The following CDH12 variants were observed in gnomAD, a reference collection of about 807,000 sequenced individuals.
The protein encoded by CDH12 is cadherin 12.
CDH12 carries 41 observed loss-of-function variants against 74.1 expected under a neutral mutation model. The observed-to-expected ratio is 0.55, with a 90% confidence interval of 0.43 to 0.72. The LOEUF (loss-of-function observed/expected upper bound fraction) is 0.72, where lower values mean the gene tolerates loss of function less well. CDH12 is among the 30% of genes least tolerant of loss of function. The pLI is 0.00. For synonymous variants in CDH12, 399 were observed against 355.0 expected, an observed-to-expected ratio of 1.12 and a Z score of -1.39; for missense variants, 945 against 977.2, an observed-to-expected ratio of 0.97 and a Z score of 0.44.
intron 10 of CDH12, among the ~76,000 whole-genome samples, chr5:21,788,435 A>G (rs1222686816): frequency 6.6e-6 from 1 of 152,060 alleles, no homozygotes; most frequent in Admixed American, 6.6e-5. Context: ...ACTATCTGAG[A>G]AGCATAATGA....
At chr5:21,859,934 G>A (rs1272123721) in intron 6 of CDH12, among the ~76,000 whole-genome samples, 1 of 151,834 alleles carries the variant, frequency 6.6e-6, no homozygotes, top group African/African-American at 2.4e-5. Flanking sequence ...TAACATCAAT[G>A]GGAAACTACA....
At chr5:22,270,475 G>T (rs1736343717) in intron 3 of CDH12, among the ~76,000 whole-genome samples, 1 of 151,528 alleles carries the variant, frequency 6.6e-6, no homozygotes, top group South Asian at 2.1e-4. Context: ...CATGCCTGTA[G>T]CCTCAGCTAC....
chr5:22,726,866 T>C (rs894925984), intron 1 of CDH12, among the ~76,000 whole-genome samples: 2 of 151,840 alleles, frequency 1.3e-5, no homozygotes, highest in African/African-American at 4.8e-5. Flanking sequence ...CAGTGGATTA[T>C]ATATTCAAAT....
chr5:22,708,202 C>T (rs948192364), intron 1 of CDH12, among the ~76,000 whole-genome samples: 1 of 152,140 alleles, frequency 6.6e-6, no homozygotes, highest in Non-Finnish European at 1.5e-5. Context: ...GTACTAAACA[C>T]ACACATATGC....
chr5:22,557,095 A>G (rs1343268159), intron 1 of CDH12, among the ~76,000 whole-genome samples: 1 of 152,004 alleles, frequency 6.6e-6, no homozygotes, highest in Non-Finnish European at 1.5e-5. Context: ...CCCTATTGCA[A>G]TAGTCTTGAA....
intron 3 of CDH12, among the ~76,000 whole-genome samples, chr5:22,257,241 G>C (rs1753349907): frequency 6.6e-6 from 1 of 151,946 alleles, no homozygotes; most frequent in South Asian, 2.1e-4. Flanking sequence ...TAATACCTGG[G>C]TGACAACATA....
intron 1 of CDH12, among the ~76,000 whole-genome samples, chr5:22,686,195 T>A (rs568184493): frequency 1.8e-4 from 27 of 152,242 alleles, no homozygotes; most frequent in African/African-American, 5.8e-4. Context: ...TTGGTTTTTT[T>A]ATAAATATAT....
intron 4 of CDH12, among the ~76,000 whole-genome samples, chr5:22,123,642 T>G (rs1745654821): frequency 6.6e-6 from 1 of 152,220 alleles, no homozygotes; most frequent in South Asian, 2.1e-4. Flanking sequence ...TGTTTTTTCC[T>G]TATTCTATTT....
At chr5:21,947,847 C>T (rs1434901700) in intron 6 of CDH12, among the ~76,000 whole-genome samples, 4 of 152,308 alleles carry the variant, frequency 2.6e-5, no homozygotes, top group South Asian at 2.1e-4. Context: ...CCTATGGCCC[C>T]GTTGCTCTGG....
intron 2 of CDH12, among the ~76,000 whole-genome samples, chr5:22,479,267 T>G (rs942455603): frequency 5.3e-5 from 8 of 152,236 alleles, no homozygotes; most frequent in Non-Finnish European, 1.2e-4. Context: ...ATTCTTAATT[T>G]TGGTAACAGT....
In CDH12 at chr5:22,016,809, T is replaced by C. The variant is rs62349090; in HGVS notation, c.232-41424A>G. Among the ~76,000 whole-genome samples, 444 of 152,288 alleles carry C rather than the reference T, an allele frequency of 2.9e-3. 2 individuals carry two copies. The highest frequency in any genetic ancestry group is 5.4e-3 in the Non-Finnish European group (364 of 68,028). On this transcript the variant is annotated intron_variant, in intron 5 of 14. Transcript: ENST00000382254. ...TTATTCTCTTCTCTGAAGTAAACCT[T>C]TGCACTTGTAGATAATTCTAATGAC...
intron 5 of CDH12, among the ~76,000 whole-genome samples, chr5:22,029,214 T>A (rs1370079544): frequency 3.5e-4 from 53 of 152,202 alleles, no homozygotes; most frequent in African/African-American, 1.3e-3. Flanking sequence ...AAGGACTTCA[T>A]GTCTAAAACA....
At position 22,358,408 on chromosome 5, in the gene CDH12, G is replaced by A. The variant is rs145829376; in HGVS notation, c.-333+46849C>T. Among the ~76,000 whole-genome samples the A allele has an allele frequency of 9.4e-3, 1,426 of 151,836 alleles. 16 individuals are homozygous for A. Among genetic ancestry groups the A allele is most frequent in the Non-Finnish European group, 0.013 (881 of 67,944 alleles). On this transcript the variant is annotated intron_variant, in intron 3 of 14. Coordinates refer to ENST00000382254, the MANE Select transcript of CDH12 (RefSeq NM_004061.5). ...AGCCTGGAAGATAGAGCGAGACTCTGTCTCCCAGAAAAAAAAAAGAAATGC... is the reference window on the plus strand; with the variant it reads ...AGCCTGGAAGATAGAGCGAGACTCTATCTCCCAGAAAAAAAAAAGAAATGC...
At chr5:22,785,000 T>C (rs1407412247) in intron 1 of CDH12, among the ~76,000 whole-genome samples, 1 of 152,170 alleles carries the variant, frequency 6.6e-6, no homozygotes, top group Non-Finnish European at 1.5e-5. Context: ...TTAATGATCC[T>C]TGGCATAGTG....
At chr5:22,582,093 C>T (rs1384959390) in intron 1 of CDH12, among the ~76,000 whole-genome samples, 6 of 152,048 alleles carry the variant, frequency 3.9e-5, no homozygotes, top group African/African-American at 1.4e-4. Flanking sequence ...AAATCAAATA[C>T]CCTCATATGT....
chr5:22,209,589 TAG>T (rs1430596588), intron 4 of CDH12, among the ~76,000 whole-genome samples: 1 of 151,322 alleles, frequency 6.6e-6, no homozygotes, highest in Non-Finnish European at 1.5e-5. Context: ...TAAATTTCAG[TAG>T]AGACTTTGCT....
chr5:21,869,499 G>T (rs572381628), intron 6 of CDH12, among the ~76,000 whole-genome samples: 1 of 152,096 alleles, frequency 6.6e-6, no homozygotes, highest in South Asian at 2.1e-4. Flanking sequence ...ATATGTTTAT[G>T]TGTATTTATA....
At chr5:21,926,212 C>A (rs753697644) in intron 6 of CDH12, among the ~76,000 whole-genome samples, 9 of 152,124 alleles carry the variant, frequency 5.9e-5, no homozygotes, top group Non-Finnish European at 1.2e-4. Flanking sequence ...ATAAACTATC[C>A]ACTGACCTTG....
intron 6 of CDH12, among the ~76,000 whole-genome samples, chr5:21,959,937 A>T (rs1293857851): frequency 1.3e-5 from 2 of 150,680 alleles, no homozygotes. Context: ...AAAAAAAAAA[A>T]AAAAAAAAGA....
Sources: allele counts gnomAD v4.1 joint callset (sites outside exome capture counted in the v4.1 genomes callset), GRCh38; gene constraint gnomAD v4.1.1; transcripts MANE v1.5; gene names NCBI Gene and HGNC (gene_info 2026-07-23, HGNC 2026-07-21).